The following DLGAP1 variants were observed in gnomAD, a reference collection of about 807,000 sequenced individuals.
DLGAP1 encodes the protein disks large-associated protein 1.
DLGAP1 carries 11 observed loss-of-function variants against 90.8 expected under a neutral mutation model. That is an observed-to-expected ratio of 0.12 (90% CI 0.08 to 0.20). DLGAP1 has a LOEUF of 0.20. Among genes scored for constraint, DLGAP1 ranks in the 10% least tolerant of loss-of-function variants. DLGAP1 has a pLI of 1.00. For missense variants in DLGAP1, 1,050 were observed against 1,333.8 expected, an observed-to-expected ratio of 0.79 and a Z score of 3.31; for synonymous variants, 558 against 540.7, an observed-to-expected ratio of 1.03 and a Z score of -0.44.
intron 1 of DLGAP1, among the ~76,000 whole-genome samples, chr18:4,347,743 G>T (rs2081325597): frequency 6.6e-6 from 1 of 151,896 alleles, no homozygotes; most frequent in Non-Finnish European, 1.5e-5. Context: ...TTCACATCAG[G>T]AACAAGGGGA....
chr18:3,992,837 G>A (rs1055156419), intron 3 of DLGAP1, among the ~76,000 whole-genome samples: 8 of 152,044 alleles, frequency 5.3e-5, no homozygotes, highest in Non-Finnish European at 1.2e-4. Context: ...GCTAATAGGG[G>A]GTCCCTGGAA....
At chr18:3,690,404 A>C (rs577844772) in intron 7 of DLGAP1, among the ~76,000 whole-genome samples, 1 of 151,866 alleles carries the variant, frequency 6.6e-6, no homozygotes, top group South Asian at 2.1e-4. Flanking sequence ...TTTTTAAACA[A>C]TATCAAGGAA....
chr18:4,069,665 T>C (rs2075419182), intron 2 of DLGAP1, among the ~76,000 whole-genome samples: 1 of 152,208 alleles, frequency 6.6e-6, no homozygotes, highest in South Asian at 2.1e-4. Flanking sequence ...GTAAGTTTCC[T>C]GAGGCTTCCC....
rs183363915 is a variant in DLGAP1 at position 4,370,813 on chromosome 18, C to A, written c.-267+84193G>T. ...ACCTGTTTGTGATATTCATGTAATA[C>A]ATACAAAAATACAAAGGAAACACTC... is the stretch of plus-strand genomic sequence containing the variant. On this transcript the variant is annotated intron_variant, in intron 1 of 12. Coordinates refer to ENST00000315677, the MANE Select transcript of DLGAP1 (RefSeq NM_004746.4). 1.5e-3 allele frequency among the ~76,000 whole-genome samples: 224 copies of A among 151,892 alleles called. 2 individuals are homozygous for A. Among genetic ancestry groups the A allele is most frequent in the Admixed American group, 9.3e-3 (142 of 15,246 alleles).
intron 3 of DLGAP1, among the ~76,000 whole-genome samples, chr18:3,921,570 C>T (rs1178056938): frequency 6.6e-6 from 1 of 152,068 alleles, no homozygotes; most frequent in Admixed American, 6.5e-5. Flanking sequence ...AAATGGAGAC[C>T]ATAGCTAGAC....
At chr18:4,322,104 G>A (rs1032172847) in intron 1 of DLGAP1, among the ~76,000 whole-genome samples, 1 of 152,050 alleles carries the variant, frequency 6.6e-6, no homozygotes, top group African/African-American at 2.4e-5. Context: ...GGAGGCTGAG[G>A]CATGAGAATG....
In DLGAP1 at chr18:4,080,894, T is replaced by C. The variant is rs866522494; in HGVS notation, c.-159+70286A>G. On this transcript the variant is annotated intron_variant, in intron 2 of 12. Transcript: ENST00000315677. ...ATGTTAATAGATTTGAATGCCCTTT[T>C]TTTTTTTTTTTGAGATGAAGTTTTG... Among the ~76,000 whole-genome samples, 124 of 149,798 alleles carry C rather than the reference T, an allele frequency of 8.3e-4. 2 individuals carry two copies. Among genetic ancestry groups the C allele is most frequent in the African/African-American group, 1.2e-3 (51 of 41,124 alleles).
intron 1 of DLGAP1, among the ~76,000 whole-genome samples, chr18:4,307,904 T>C (rs773339716): frequency 2.0e-5 from 3 of 151,940 alleles, no homozygotes; most frequent in Non-Finnish European, 2.9e-5. Context: ...TTAGTAGAGA[T>C]GGGGTTTCGC....
At chr18:4,115,317 T>A (rs891236837) in intron 2 of DLGAP1, among the ~76,000 whole-genome samples, 1 of 147,802 alleles carries the variant, frequency 6.8e-6, no homozygotes, top group Non-Finnish European at 1.5e-5. Flanking sequence ...TACATTGTTA[T>A]AATTTTACAT....
intron 5 of DLGAP1, among the ~76,000 whole-genome samples, chr18:3,803,976 A>G (rs1353676907): frequency 1.3e-5 from 1 of 75,440 alleles, no homozygotes; most frequent in African/African-American, 4.1e-5. Flanking sequence ...ATATATATAT[A>G]TATATATATA....
At chr18:4,122,425 T>C (rs911025903) in intron 2 of DLGAP1, among the ~76,000 whole-genome samples, 1 of 152,184 alleles carries the variant, frequency 6.6e-6, no homozygotes, top group African/African-American at 2.4e-5. Context: ...GATTACTGTG[T>C]TTTCGCTTTC....
chr18:4,359,610 T>A (rs1451146422), intron 1 of DLGAP1, among the ~76,000 whole-genome samples: 1 of 152,188 alleles, frequency 6.6e-6, no homozygotes, highest in Non-Finnish European at 1.5e-5. Context: ...TGTCTTCTGT[T>A]ATAAAGACCT....
chr18:3,590,188 G>C (rs535502729), intron 7 of DLGAP1, among the ~76,000 whole-genome samples: 2 of 152,156 alleles, frequency 1.3e-5, no homozygotes, highest in African/African-American at 4.8e-5. Context: ...GGGATTACAC[G>C]TGTGAGTCAC....
intron 3 of DLGAP1, among the ~76,000 whole-genome samples, chr18:3,959,821 A>C (rs1196357586): frequency 6.6e-6 from 1 of 152,230 alleles, no homozygotes; most frequent in Non-Finnish European, 1.5e-5. Flanking sequence ...ATCTAAATGT[A>C]TTATTATTTC....
chr18:3,842,901 A>G (rs972917274), intron 4 of DLGAP1, among the ~76,000 whole-genome samples: 5 of 152,170 alleles, frequency 3.3e-5, no homozygotes, highest in African/African-American at 1.2e-4. Context: ...GTCCAGTGAT[A>G]CTTTAGTTCT....
chr18:3,585,104 C>A (rs921988122), intron 7 of DLGAP1, among the ~76,000 whole-genome samples: 2 of 152,162 alleles, frequency 1.3e-5, no homozygotes, highest in Non-Finnish European at 2.9e-5. Context: ...TCGACTTCCT[C>A]ATTTTTTAGC....
chr18:3,949,242 A>G (rs1474876589), intron 3 of DLGAP1, among the ~76,000 whole-genome samples: 1 of 152,026 alleles, frequency 6.6e-6, no homozygotes, highest in Non-Finnish European at 1.5e-5. Flanking sequence ...CTCCCTTACA[A>G]TTGGCTTGAG....
chr18:3,647,006 T>C (rs942904735), intron 7 of DLGAP1, among the ~76,000 whole-genome samples: 1 of 152,066 alleles, frequency 6.6e-6, no homozygotes, highest in African/African-American at 2.4e-5. Flanking sequence ...CTCAGCACTT[T>C]GAGAGGCTGA....
At chr18:4,157,827 G>A (rs1057031434) in intron 1 of DLGAP1, among the ~76,000 whole-genome samples, 2 of 152,182 alleles carry the variant, frequency 1.3e-5, no homozygotes, top group Non-Finnish European at 2.9e-5. Flanking sequence ...AGTAAGTGGG[G>A]AAGCTGGCAG....
Sources: gnomAD v4.1 joint callset for allele counts (sites outside exome capture counted in the v4.1 genomes callset) on GRCh38, gnomAD v4.1.1 for gene constraint, MANE v1.5 for transcripts, NCBI Gene and HGNC (gene_info 2026-07-23, HGNC 2026-07-21) for gene names.